TFB2M: variants seen among roughly 807,000 people sequenced by gnomAD.
The protein encoded by TFB2M is dimethyladenosine transferase 2, mitochondrial.
A neutral mutation model predicts 41.3 loss-of-function variants in TFB2M; 44 were observed. The observed-to-expected ratio is 1.07, with a 90% CI of 0.84 to 1.37. The LOEUF is 1.37. Ranked by LOEUF, TFB2M falls within the 40% of genes most tolerant of loss-of-function variation. TFB2M has a pLI of 0.00. For synonymous variants in TFB2M, 188 were observed against 176.8 expected (o/e 1.06, Z -0.50); for missense variants, 496 against 490.2 (o/e 1.01, Z -0.11).
chr1:246,546,558 G>A (rs926304081), intron 6 of TFB2M, among the ~76,000 whole-genome samples: 4 of 147,650 alleles, frequency 2.7e-5, no homozygotes, highest in Non-Finnish European at 6.0e-5. Context: ...GGGTTGCAAT[G>A]AGCCAAGATC....
At chr1:246,556,282 C>T (rs1009856467) in intron 4 of TFB2M, among the ~76,000 whole-genome samples, 11 of 151,964 alleles carry the variant, frequency 7.2e-5, no homozygotes, top group Non-Finnish European at 1.0e-4. Context: ...TACTAGGGGA[C>T]GCAGGAAGAG....
Position 246,540,869 on chromosome 1 carries a change from T to A in TFB2M, c.*162A>T. ...GAATAAAATAGCAGACACTGTTTCATCCAATAAGCCAATGATATCAGCTTA... is the reference window on the plus strand; with the variant it reads ...GAATAAAATAGCAGACACTGTTTCAACCAATAAGCCAATGATATCAGCTTA... On this transcript the variant is annotated 3_prime_UTR_variant, in exon 8 of 8. Coordinates refer to ENST00000366514, the MANE Select transcript of TFB2M (RefSeq NM_022366.3). 1.9e-6 allele frequency: 1 copy of A among 534,742 alleles called. No homozygotes were observed. The highest frequency in any genetic ancestry group is 3.2e-5 in the East Asian group (1 of 31,706). The allele number at this position is 534,742 out of a possible 1,614,324, so 33.1% of individuals were successfully genotyped here.
In TFB2M at chr1:246,556,615, T is replaced by C. The variant is rs1236532734; in HGVS notation, c.663A>G (p.Gly221=). ...LYSCTSIYKF[G]RIEVNMFIGE... ...CAATAAACATATTTACTTCTATTCGTCCAAATTTATATATAGAAGTACAGG... is the reference window on the plus strand; with the variant it reads ...CAATAAACATATTTACTTCTATTCGCCCAAATTTATATATAGAAGTACAGG... Residue 221 remains glycine, a synonymous_variant, in exon 4 of 8, where the codon GGA becomes GGG. Transcript: ENST00000366514. The C allele has an allele frequency of 4.5e-6, 7 of 1,548,286 alleles. No homozygotes were observed. The highest frequency in any genetic ancestry group is 2.2e-5 in the Admixed American group (1 of 45,172).
intron 7 of TFB2M, 114 bp downstream of exon 7, chr1:246,544,407 G>T (rs2275266): frequency 6.9e-5 from 66 of 953,406 alleles, no homozygotes; most frequent in African/African-American, 4.0e-4. Context: ...AGAAATATGA[G>T]GGAAAACATG....
chr1:246,566,055 A>C lies in TFB2M; in HGVS notation c.84T>G (p.Ser28=). Residue 28 remains serine, a synonymous_variant, in exon 1 of 8, where the codon TCT becomes TCG. Transcript: ENST00000366514. ...GCAAATGCTTTCGCGTCGCCGCTTCAGACCCTAAAATGCAAAAGCGACCAG... is the reference window on the plus strand; with the variant it reads ...GCAAATGCTTTCGCGTCGCCGCTTCCGACCCTAAAATGCAAAAGCGACCAG... ...AGAGRFCILG[S]EAATRKHLPA... is the part of the protein sequence containing the mutation. 6.2e-7 allele frequency: 1 copy of C among 1,614,154 alleles called. No homozygotes were observed. The highest frequency in any genetic ancestry group is 1.1e-5 in the South Asian group (1 of 91,078).
intron 1 of TFB2M, among the ~76,000 whole-genome samples, 157 bp from the exon 2 acceptor site, chr1:246,564,591 CAGG>C (rs1242296565): frequency 6.6e-6 from 1 of 152,074 alleles, no homozygotes; most frequent in African/African-American, 2.4e-5. Context: ...TATAAGGAAA[CAGG>C]AGATTATATA....
At chr1:246,565,436 G>T (rs931542140) in intron 1 of TFB2M, among the ~76,000 whole-genome samples, 1 of 152,172 alleles carries the variant, frequency 6.6e-6, no homozygotes, top group Non-Finnish European at 1.5e-5. Flanking sequence ...GTATCTGGAC[G>T]GGCGCAGTGG....
intron 7 of TFB2M, among the ~76,000 whole-genome samples, 187 bp downstream of exon 7, chr1:246,544,334 G>A (rs1421024791): frequency 6.6e-6 from 1 of 152,182 alleles, no homozygotes; most frequent in Non-Finnish European, 1.5e-5. Flanking sequence ...GAAACTCAAT[G>A]AGAGATTATG....
chr1:246,565,833 G>A lies in TFB2M; in HGVS notation c.306C>T (p.Cys102=). The A allele has an allele frequency of 6.3e-7, 1 of 1,599,398 alleles. No homozygotes were observed. Among genetic ancestry groups the A allele is most frequent in the Non-Finnish European group, 8.6e-7 (1 of 1,167,496 alleles). Residue 102 remains cysteine, a synonymous_variant, in exon 1 of 8, where the codon TGC becomes TGT. Coordinates refer to ENST00000366514, the MANE Select transcript of TFB2M (RefSeq NM_022366.3). The part of the protein sequence containing the change: ...PSRPPHLLLE[C]NPGPGILTQA... The stretch of plus-strand genomic sequence containing the variant: ...CAATTCAGCTGGACTCACCTGGATT[G>A]CACTCCAGCAGTAGGTGTGGAGGTC...
In TFB2M at chr1:246,565,898, C is replaced by A; in HGVS notation, c.241G>T (p.Ala81Ser). 6.2e-7 allele frequency: 1 copy of A among 1,613,582 alleles called. No individual in the cohort carries two copies. The highest frequency in any genetic ancestry group is 8.5e-7 in the Non-Finnish European group (1 of 1,179,486). Residue 81 changes from alanine (A) to serine (S), a missense_variant, in exon 1 of 8, where the codon GCT (alanine) becomes TCT (serine). Physicochemically the swap from Ala to Ser is moderately conservative, Grantham distance 99. Coordinates refer to ENST00000366514, the MANE Select transcript of TFB2M (RefSeq NM_022366.3). Reference protein sequence around the residue: ...FKRYVTDRRLAETLAQIYLGK... With the variant: ...FKRYVTDRRLSETLAQIYLGK... ...AAATAGATTTGCGCCAGGGTCTCAG[C>A]CAATCTCCGATCGGTTACGTAACGC...
chr1:246,565,817 T>G lies in TFB2M; in HGVS notation c.313+9A>C. On this transcript the variant is annotated intron_variant, in intron 1 of 7. Coordinates refer to ENST00000366514, the MANE Select transcript of TFB2M (RefSeq NM_022366.3). ...AACATCCAAGAAAATGCAATTCAGC[T>G]GGACTCACCTGGATTGCACTCCAGC... 1.3e-6 allele frequency: 2 copies of G among 1,590,956 alleles called. No homozygotes were observed. The highest frequency in any genetic ancestry group is 1.7e-4 in the Middle Eastern group (1 of 5,988).
intron 2 of TFB2M, among the ~76,000 whole-genome samples, chr1:246,559,651 C>T (rs1449320631): frequency 6.6e-6 from 1 of 152,150 alleles, no homozygotes; most frequent in Non-Finnish European, 1.5e-5. Flanking sequence ...GGAAATCATA[C>T]ACATTTGGTC....
chr1:246,544,740 G>T (rs538327167), intron 6 of TFB2M, 59 bp from the exon 7 acceptor site: 1 of 1,444,698 alleles, frequency 6.9e-7, no homozygotes, highest in Non-Finnish European at 9.4e-7. Context: ...GTAAGACATT[G>T]CTCACTTCTT....
chr1:246,546,363 C>T (rs1659019672), intron 6 of TFB2M, among the ~76,000 whole-genome samples: 1 of 151,494 alleles, frequency 6.6e-6, no homozygotes, highest in African/African-American at 2.4e-5. Flanking sequence ...CCTGTAATCC[C>T]AGCACTTTGG....
At chr1:246,558,226 AGCCTTGAC>A (rs1558513916) in intron 2 of TFB2M, among the ~76,000 whole-genome samples, 1 of 149,948 alleles carries the variant, frequency 6.7e-6, no homozygotes, top group Non-Finnish European at 1.5e-5. Context: ...AGCTGACTGC[AGCCTTGAC>A]CTCCTGGGCT....
At position 246,566,236 on chromosome 1, in the gene TFB2M, G is replaced by A. The variant is rs1051693475; in HGVS notation, c.-98C>T. The stretch of plus-strand genomic sequence containing the variant: ...CACGTGGAACATTTTCTGGCGTCCG[G>A]GCCAGGTCAAGCGGAAGTAAACACT... On this transcript the variant is annotated 5_prime_UTR_variant, in exon 1 of 8. Transcript: ENST00000366514. The A allele has an allele frequency of 1.6e-6, 2 of 1,289,550 alleles. No individual in the cohort carries two copies. The highest frequency in any genetic ancestry group is 1.5e-5 in the African/African-American group (1 of 67,072). 79.9% of individuals were successfully genotyped at this position (1,289,550 alleles called of 1,614,324 possible).
At chr1:246,543,810 T>C (rs1572082853) in intron 7 of TFB2M, among the ~76,000 whole-genome samples, 2 of 152,220 alleles carry the variant, frequency 1.3e-5, no homozygotes, top group East Asian at 1.9e-4. Context: ...AATATAAATA[T>C]AAAAATTTTA....
intron 4 of TFB2M, among the ~76,000 whole-genome samples, chr1:246,554,823 C>T (rs1659278133): frequency 6.6e-6 from 1 of 151,952 alleles, no homozygotes; most frequent in Non-Finnish European, 1.5e-5. Flanking sequence ...ATACCAAAGG[C>T]ACAGGCAACA....
intron 7 of TFB2M, among the ~76,000 whole-genome samples, chr1:246,542,985 ATTTTTTTTTTTTT>A (rs11380318): frequency 2.4e-5 from 2 of 84,946 alleles, no homozygotes; most frequent in Admixed American, 3.6e-4. Context: ...CTGCCTCCCA[ATTTTTTTTTTTTT>A]TTTTTTTTTA....
Sources: gnomAD v4.1 joint callset for allele counts (sites outside exome capture counted in the v4.1 genomes callset) on GRCh38, gnomAD v4.1.1 for gene constraint, MANE v1.5 for transcripts, NCBI Gene and HGNC (gene_info 2026-07-23, HGNC 2026-07-21) for gene names.